Variants in GRIK4 observed in about 807,000 individuals in gnomAD.
GRIK4 encodes the protein glutamate ionotropic receptor kainate type subunit 4, also known as glutamate receptor ionotropic, kainate 4.
In GRIK4, 40 loss-of-function variants were observed where a neutral mutation model predicts 104.9. The observed-to-expected ratio is 0.38, with a 90% CI of 0.30 to 0.50. The LOEUF (loss-of-function observed/expected upper bound fraction) is 0.50, where lower values mean the gene tolerates loss of function less well. GRIK4 is among the 20% of genes least tolerant of loss of function. GRIK4 has a pLI of 0.93. For missense variants in GRIK4, 1,047 were observed against 1,308.1 expected, an observed-to-expected ratio of 0.80 and a Z score of 3.08; for synonymous variants, 485 against 524.9, an observed-to-expected ratio of 0.92 and a Z score of 1.04.
intron 1 of GRIK4, chr11:120,620,024 T>TCATTAAAA: frequency 1.8e-6 from 1 of 550,872 alleles, no homozygotes; most frequent in Non-Finnish European, 3.4e-6. Flanking sequence ...GTTAGCGTAG[T>TCATTAAAA]GAACCTGTGT....
At chr11:120,791,378 C>T (rs1387658248) in intron 3 of GRIK4, among the ~76,000 whole-genome samples, 3 of 152,208 alleles carry the variant, frequency 2.0e-5, no homozygotes, top group Admixed American at 6.5e-5. Flanking sequence ...CATATTTTCA[C>T]GTGCTTACTT....
At chr11:120,642,495 G>A (rs1037067460) in intron 1 of GRIK4, among the ~76,000 whole-genome samples, 35 of 89,090 alleles carry the variant, frequency 3.9e-4, no homozygotes, top group African/African-American at 1.5e-3. Context: ...TTTTTTTTTT[G>A]TATCTGTGAA....
intron 1 of GRIK4, among the ~76,000 whole-genome samples, chr11:120,649,061 G>A (rs1175228611): frequency 6.6e-6 from 1 of 152,166 alleles, no homozygotes; most frequent in Non-Finnish European, 1.5e-5. Flanking sequence ...AAGGGGAGGG[G>A]TGGCATGGGC....
chr11:120,556,291 T>A (rs1249933566), intron 1 of GRIK4, among the ~76,000 whole-genome samples: 1 of 152,180 alleles, frequency 6.6e-6, no homozygotes, highest in East Asian at 1.9e-4. Flanking sequence ...TTGTTTGTTC[T>A]GCCCTCAAAA....
rs555554360 is a variant in GRIK4, at chr11:120,917,710, G to A, written c.1476+12217G>A. On this transcript the variant is annotated intron_variant, in intron 13 of 20. Transcript: ENST00000527524. ...TTTTCCATGGAAGGAGTTGCCCGGG[G>A]GGATCTGGAAGGGTTTGGAGTTCAG... is the stretch of plus-strand genomic sequence containing the variant. Among the ~76,000 whole-genome samples the A allele has an allele frequency of 1.1e-4, 17 of 152,302 alleles. No individual in the cohort carries two copies. The East Asian group carries it at 2.9e-3, about 26-fold the overall frequency.
chr11:120,882,857 C>T (rs1271149507), intron 11 of GRIK4, among the ~76,000 whole-genome samples: 1 of 152,080 alleles, frequency 6.6e-6, no homozygotes, highest in Non-Finnish European at 1.5e-5. Flanking sequence ...GAGGCTCTGC[C>T]CCAGCAATAC....
intron 3 of GRIK4, among the ~76,000 whole-genome samples, chr11:120,663,214 C>G (rs78225900): frequency 1.7e-4 from 26 of 152,276 alleles, no homozygotes; most frequent in African/African-American, 6.0e-4. Context: ...CTTTGCACCC[C>G]CTTCATTACT....
At chr11:120,781,390 A>C (rs1273478443) in intron 3 of GRIK4, among the ~76,000 whole-genome samples, 5 of 152,100 alleles carry the variant, frequency 3.3e-5, no homozygotes, top group Non-Finnish European at 5.9e-5. Flanking sequence ...TTACTCTGTC[A>C]CCCAGGCTAG....
intron 17 of GRIK4, 40 bp from the exon 18 acceptor site, chr11:120,962,416 C>T (rs1393999383): frequency 7.0e-7 from 1 of 1,432,142 alleles, no homozygotes; most frequent in Non-Finnish European, 9.7e-7. Context: ...ACGTTTCCTT[C>T]CTCTTTTCCC....
chr11:120,594,044 G>T (rs1158355481), intron 1 of GRIK4, among the ~76,000 whole-genome samples: 1 of 152,154 alleles, frequency 6.6e-6, no homozygotes, highest in African/African-American at 2.4e-5. Flanking sequence ...CTCCTAATTG[G>T]TTTTTCTCCT....
Position 120,940,473 on chromosome 11 carries a change from T to C in GRIK4, c.1590+13T>C, listed in dbSNP as rs777617009. On this transcript the variant is annotated intron_variant, in intron 14 of 20. Transcript: ENST00000527524. The surrounding 1 kb of genome is among the most constrained non-coding windows in gnomAD (Gnocchi z 4.3). Reference sequence around the variant, plus strand: ...CCGCGTTCATATGGTAAGAGACTTATTTTATAAGCATTTATGTCATTAAAG... The same window carrying C: ...CCGCGTTCATATGGTAAGAGACTTACTTTATAAGCATTTATGTCATTAAAG... 33 of 1,411,090 alleles carry C rather than the reference T, an allele frequency of 2.3e-5. No homozygotes were observed. Among genetic ancestry groups the C allele is most frequent in the Non-Finnish European group, 3.2e-5 (32 of 997,076 alleles). 87.4% of individuals were successfully genotyped at this position (1,411,090 alleles called of 1,614,324 possible). A position where few individuals can be genotyped will look rare whatever the true frequency, so the allele number is the denominator to read the frequency against.
At chr11:120,718,310 C>T (rs1396720787) in intron 3 of GRIK4, among the ~76,000 whole-genome samples, 1 of 152,356 alleles carries the variant, frequency 6.6e-6, no homozygotes, top group East Asian at 1.9e-4. Context: ...AAAGCTCCAA[C>T]TCCCGGTAGC....
At chr11:120,663,556 C>T (rs900184539) in intron 3 of GRIK4, among the ~76,000 whole-genome samples, 2 of 152,184 alleles carry the variant, frequency 1.3e-5, no homozygotes, top group Admixed American at 6.5e-5. Context: ...AAATGTGTTA[C>T]CCTTGCCCCT....
chr11:120,883,975 C>T (rs778169131), intron 11 of GRIK4, among the ~76,000 whole-genome samples: 5 of 152,296 alleles, frequency 3.3e-5, no homozygotes, highest in South Asian at 2.1e-4. Flanking sequence ...GCCAGGCCAC[C>T]GGCCAGAGGT....
At chr11:120,734,221 G>T (rs748287748) in intron 3 of GRIK4, among the ~76,000 whole-genome samples, 6 of 152,052 alleles carry the variant, frequency 3.9e-5, no homozygotes, top group Non-Finnish European at 8.8e-5. Flanking sequence ...TGTAGGAGAG[G>T]TCTGATGATT....
chr11:120,856,921 T>C (rs1228673862), intron 8 of GRIK4, among the ~76,000 whole-genome samples: 1 of 152,100 alleles, frequency 6.6e-6, no homozygotes, highest in Admixed American at 6.5e-5. Flanking sequence ...CAGCTGAACA[T>C]GTCCCCGGGG....
chr11:120,950,199 T>C (rs1943966017), intron 14 of GRIK4, among the ~76,000 whole-genome samples: 1 of 152,238 alleles, frequency 6.6e-6, no homozygotes, highest in African/African-American at 2.4e-5. Context: ...GCCCATTCCT[T>C]GCTCTTCTGG....
chr11:120,741,743 T>G (rs1362859075), intron 3 of GRIK4, among the ~76,000 whole-genome samples: 7 of 152,184 alleles, frequency 4.6e-5, no homozygotes, highest in Non-Finnish European at 1.0e-4. Flanking sequence ...TTCATGGATA[T>G]CAGTATACAT....
chr11:120,725,710 A>C (rs2135383098), intron 3 of GRIK4, among the ~76,000 whole-genome samples: 1 of 152,186 alleles, frequency 6.6e-6, no homozygotes, highest in East Asian at 1.9e-4. Context: ...CTAAGTTGCA[A>C]GCTTTAGGAC....
Sources: gnomAD v4.1 joint callset for allele counts (sites outside exome capture counted in the v4.1 genomes callset) on GRCh38, gnomAD v4.1.1 for gene constraint, Gnocchi (gnomAD v3.1) non-coding constraint, MANE v1.5 for transcripts, NCBI Gene and HGNC (gene_info 2026-07-23, HGNC 2026-07-21) for gene names.